Variants in TRAK1 observed in about 807,000 individuals in gnomAD.
TRAK1 encodes the protein trafficking kinesin-binding protein 1.
TRAK1 carries 33 observed loss-of-function variants against 92.1 expected under a neutral mutation model. The ratio of observed to expected loss-of-function variants is 0.36; its 90% CI spans 0.27 to 0.48. TRAK1 has a LOEUF of 0.48. TRAK1 is among the 20% of genes least tolerant of loss of function. The pLI, the probability that TRAK1 is intolerant of heterozygous loss-of-function variation, is 0.99. For synonymous variants in TRAK1, 521 were observed against 517.3 expected, an observed-to-expected ratio of 1.01 and a Z score of -0.10; for missense variants, 1,123 against 1,257.9, an observed-to-expected ratio of 0.89 and a Z score of 1.62.
At chr3:42,020,651 G>A (rs1339467862) in intron 1 of TRAK1, among the ~76,000 whole-genome samples, 4 of 152,182 alleles carry the variant, frequency 2.6e-5, no homozygotes, top group Non-Finnish European at 4.4e-5. Context: ...ATGCTCAGGA[G>A]TGGATCATTG....
At chr3:42,032,324 C>T (rs1451879788) in intron 1 of TRAK1, among the ~76,000 whole-genome samples, 4 of 152,162 alleles carry the variant, frequency 2.6e-5, no homozygotes, top group Non-Finnish European at 5.9e-5. Flanking sequence ...ATGTGCTGCT[C>T]CTTCCCAGGC....
At chr3:42,151,257 G>T (rs571109383) in intron 2 of TRAK1, 2 of 436,938 alleles carry the variant, frequency 4.6e-6, no homozygotes, top group African/African-American at 4.1e-5. Context: ...AAAGCCAGTC[G>T]CTTGCCATGG....
chr3:42,102,869 G>C (rs1319048484), intron 1 of TRAK1, among the ~76,000 whole-genome samples: 2 of 151,502 alleles, frequency 1.3e-5, no homozygotes, highest in Non-Finnish European at 2.9e-5. Flanking sequence ...TGCCTAGGAA[G>C]AGTTCTCTGC....
intron 1 of TRAK1, among the ~76,000 whole-genome samples, chr3:42,036,872 C>T (rs1262803025): frequency 6.6e-6 from 1 of 152,198 alleles, no homozygotes; most frequent in Non-Finnish European, 1.5e-5. Context: ...ACCTCAGCTT[C>T]CTGAGTAGCT....
intron 12 of TRAK1, among the ~76,000 whole-genome samples, chr3:42,201,931 C>CACACACACACACACA: frequency 6.8e-6 from 1 of 146,246 alleles, no homozygotes; most frequent in East Asian, 2.0e-4. Context: ...CACACACACA[C>CACACACACACACACA]CATTGTCTAC....
chr3:42,085,721 C>CT (rs1425566723), upstream of TRAK1, among the ~76,000 whole-genome samples: 1 of 152,186 alleles, frequency 6.6e-6, no homozygotes. Flanking sequence ...GGTTCTCACA[C>CT]TTTTTTTGTG....
Position 42,202,625 on chromosome 3 carries a change from A to G in TRAK1, c.1617A>G (p.Thr539=). 6.2e-7 allele frequency: 1 copy of G among 1,608,470 alleles called. No individual in the cohort carries two copies. The highest frequency in any genetic ancestry group is 8.5e-7 in the Non-Finnish European group (1 of 1,175,670). ...EKGELRSGSL[T]PTESIMSLGT... is the part of the protein sequence containing the mutation. ...GCGAGCTGCGCAGCGGCTCCCTCAC[A>G]CCCACTGAGAGCATCATGTCCCTGG... The change falls in exon 13 of 16, where the codon ACA becomes ACG. Residue 539 remains threonine (T), a synonymous_variant. Coordinates refer to ENST00000327628, the MANE Select transcript of TRAK1 (RefSeq NM_001042646.3). This position sits in a 1 kb window ranked among gnomAD's most constrained non-coding sequence, Gnocchi z 6.1.
intron 1 of TRAK1, among the ~76,000 whole-genome samples, chr3:42,080,160 C>T (rs1245495327): frequency 6.6e-6 from 1 of 152,038 alleles, no homozygotes. Context: ...TTGAGGGTAG[C>T]GGGGAGAAAA....
At chr3:42,158,538 G>A (rs1700825717) in intron 2 of TRAK1, among the ~76,000 whole-genome samples, 1 of 151,258 alleles carries the variant, frequency 6.6e-6, no homozygotes, top group Non-Finnish European at 1.5e-5. Flanking sequence ...ATTTCAAAAT[G>A]GAATGTTGAA....
intron 2 of TRAK1, among the ~76,000 whole-genome samples, chr3:42,170,325 A>G (rs894233798): frequency 2.0e-5 from 3 of 152,194 alleles, no homozygotes; most frequent in Admixed American, 2.0e-4. Flanking sequence ...TTTAGTTCCC[A>G]GGTTCTGGGA....
intron 12 of TRAK1, among the ~76,000 whole-genome samples, chr3:42,201,288 ATGTCTACT>A (rs1314217489): frequency 6.6e-6 from 1 of 152,086 alleles, no homozygotes; most frequent in East Asian, 1.9e-4. Context: ...GCAAAATCCC[ATGTCTACT>A]AAACATACAA....
At chr3:42,122,324 T>G (rs1259661901) in intron 1 of TRAK1, among the ~76,000 whole-genome samples, 1 of 151,476 alleles carries the variant, frequency 6.6e-6, no homozygotes, top group Non-Finnish European at 1.5e-5. Context: ...GACATTATTC[T>G]GAGATTTCTT....
At chr3:42,090,652 T>C (rs551519294), upstream of TRAK1, among the ~76,000 whole-genome samples, 230 of 152,296 alleles carry the variant, frequency 1.5e-3, no homozygotes, top group Middle Eastern at 0.01. Context: ...TACTGTACTC[T>C]AGCCTTGGCG....
chr3:42,153,139 A>T (rs944917796), intron 2 of TRAK1, among the ~76,000 whole-genome samples: 3 of 152,224 alleles, frequency 2.0e-5, no homozygotes, highest in African/African-American at 4.8e-5. Flanking sequence ...ATAGTGTGTC[A>T]TGCCTGTAAG....
intron 14 of TRAK1, chr3:42,217,677 C>T (rs1293016880): frequency 1.0e-6 from 1 of 985,264 alleles, no homozygotes; most frequent in African/African-American, 1.7e-5. Context: ...TGTTATCTCT[C>T]TTTCAACTGT....
intron 1 of TRAK1, among the ~76,000 whole-genome samples, chr3:42,076,007 TA>T (rs2148944163): frequency 6.6e-6 from 1 of 151,550 alleles, no homozygotes; most frequent in South Asian, 2.1e-4. Context: ...CACACCCAGC[TA>T]ATTTTTTATA....
intron 2 of TRAK1, among the ~76,000 whole-genome samples, chr3:42,170,616 G>A (rs2149339862): frequency 6.6e-6 from 1 of 152,246 alleles, no homozygotes; most frequent in Middle Eastern, 3.4e-3. Context: ...TCCCTTTGCA[G>A]TTTTTATAAT....
chr3:42,151,490 G>A, intron 2 of TRAK1: 1 of 386,638 alleles, frequency 2.6e-6, no homozygotes, highest in East Asian at 8.4e-5. Context: ...TGTATGTTGA[G>A]CAAAATACTT....
intron 2 of TRAK1, among the ~76,000 whole-genome samples, chr3:42,148,355 C>A (rs1363565389): frequency 6.6e-6 from 1 of 152,100 alleles, no homozygotes; most frequent in African/African-American, 2.4e-5. Context: ...GGTTGAGAGA[C>A]CCTGCTTTAG....
Sources: allele counts gnomAD v4.1 joint callset (sites outside exome capture counted in the v4.1 genomes callset), GRCh38; gene constraint gnomAD v4.1.1; non-coding constraint Gnocchi (gnomAD v3.1); transcripts MANE v1.5; gene names NCBI Gene and HGNC (gene_info 2026-07-23, HGNC 2026-07-21).